The following NVL variants were observed in gnomAD, a reference collection of about 807,000 sequenced individuals.
The protein encoded by NVL is nuclear valosin-containing protein-like.
A neutral mutation model predicts 110.2 loss-of-function variants in NVL; 84 were observed. That is an observed-to-expected ratio of 0.76 (90% confidence interval 0.64 to 0.91). The LOEUF is 0.91. Among genes scored for constraint, NVL ranks in the 40% least tolerant of loss-of-function variants. The pLI is 0.00. For synonymous variants in NVL, 354 were observed against 361.1 expected, an observed-to-expected ratio of 0.98 and a Z score of 0.22; for missense variants, 882 against 1,035.9, an observed-to-expected ratio of 0.85 and a Z score of 2.04.
intron 11 of NVL, 27 bp from the exon 12 acceptor site, chr1:224,294,438 G>T: frequency 6.2e-7 from 1 of 1,611,850 alleles, no homozygotes; most frequent in South Asian, 1.1e-5. Flanking sequence ...AAAGAGTAGT[G>T]AACAAAGCAC....
At chr1:224,297,237 C>A (rs1667965875) in intron 10 of NVL, among the ~76,000 whole-genome samples, 1 of 152,198 alleles carries the variant, frequency 6.6e-6, no homozygotes, top group East Asian at 1.9e-4. Flanking sequence ...ATCTCCAGAA[C>A]TTTCCCAGCA....
intron 17 of NVL, among the ~76,000 whole-genome samples, chr1:224,270,955 T>A (rs886944850): frequency 6.6e-6 from 1 of 152,202 alleles, no homozygotes; most frequent in Non-Finnish European, 1.5e-5. Flanking sequence ...TTTTTCAAAA[T>A]CTAATATATA....
At chr1:224,253,545 C>T (rs1662764017) in intron 18 of NVL, among the ~76,000 whole-genome samples, 1 of 150,684 alleles carries the variant, frequency 6.6e-6, no homozygotes, top group Admixed American at 6.6e-5. Flanking sequence ...CCATCCTGGC[C>T]AACATGGTGA....
rs1185425156 is a variant in NVL at position 224,272,897 on chromosome 1, A to G, written c.2082+2442T>C. On this transcript the variant is annotated intron_variant, in intron 17 of 22. Coordinates refer to ENST00000281701, the MANE Select transcript of NVL (RefSeq NM_002533.4). Reference sequence around the variant, plus strand: ...AAAATACAAAAAATTAGCCGGGCGTAGTGGCGGGCGCCTGTAGTCCCAGCT... The same window carrying G: ...AAAATACAAAAAATTAGCCGGGCGTGGTGGCGGGCGCCTGTAGTCCCAGCT... 3.4e-5 allele frequency among the ~76,000 whole-genome samples: 5 copies of G among 145,114 alleles called. No individual in the cohort carries two copies. The East Asian group carries it at 1.0e-3, about 30-fold the overall frequency.
intron 13 of NVL, 114 bp from the exon 14 acceptor site, chr1:224,288,107 A>T (rs1667040805): frequency 2.8e-6 from 2 of 714,730 alleles, no homozygotes; most frequent in East Asian, 5.4e-5. Flanking sequence ...AGCTATCCTG[A>T]ACGTCTATGT....
At chr1:224,233,145 C>A (rs978338271) in intron 21 of NVL, 56 bp downstream of exon 21, 22 of 1,448,556 alleles carry the variant, frequency 1.5e-5, no homozygotes, top group Non-Finnish European at 3.8e-6. Flanking sequence ...TTTTCCAGGG[C>A]AACAGTGGTT....
At chr1:224,274,925 A>G (rs1009771706) in intron 17 of NVL, among the ~76,000 whole-genome samples, 3 of 152,146 alleles carry the variant, frequency 2.0e-5, no homozygotes, top group African/African-American at 7.2e-5. Flanking sequence ...CTTTAAGAGA[A>G]AAGGTTTTGG....
At chr1:224,295,268 T>C (rs1045699638) in intron 11 of NVL, among the ~76,000 whole-genome samples, 1 of 151,968 alleles carries the variant, frequency 6.6e-6, no homozygotes, top group Non-Finnish European at 1.5e-5. Flanking sequence ...TCTCAGCTCA[T>C]GGCAAGCTCT....
chr1:224,288,083 G>T, intron 13 of NVL, 90 bp from the exon 14 acceptor site: 1 of 929,636 alleles, frequency 1.1e-6, no homozygotes, highest in Non-Finnish European at 1.7e-6. Context: ...AATTATTACT[G>T]TAATATTTCC....
intron 19 of NVL, among the ~76,000 whole-genome samples, chr1:224,241,424 T>G (rs1661179544): frequency 6.6e-6 from 1 of 152,190 alleles, no homozygotes; most frequent in African/African-American, 2.4e-5. Context: ...AATTTGGTTT[T>G]TCTTTATGAC....
In NVL at chr1:224,326,479, A is replaced by G. The variant is rs1671154570; in HGVS notation, c.58-15T>C. On this transcript the variant is annotated splice_polypyrimidine_tract_variant and intron_variant, in intron 1 of 22. Transcript: ENST00000281701. The stretch of plus-strand genomic sequence containing the variant: ...CTGGTAAGGTACTAAAACAGAAAAT[A>G]TAACAAATACAAAACACCCAATATT... 6.4e-7 allele frequency: 1 copy of G among 1,573,872 alleles called. No individual in the cohort carries two copies. Among genetic ancestry groups the G allele is most frequent in the Non-Finnish European group, 8.7e-7 (1 of 1,146,564 alleles).
At chr1:224,321,262 A>G (rs551322529) in intron 2 of NVL, among the ~76,000 whole-genome samples, 1 of 152,256 alleles carries the variant, frequency 6.6e-6, no homozygotes, top group Admixed American at 6.5e-5. Context: ...TAAATAAATA[A>G]TTAATTAAAA....
chr1:224,235,311 G>A (rs940299882), intron 20 of NVL, among the ~76,000 whole-genome samples: 1 of 152,070 alleles, frequency 6.6e-6, no homozygotes. Context: ...GCGATTACAG[G>A]TGTGCACTAC....
chr1:224,259,867 C>T (rs1460402020), intron 18 of NVL, among the ~76,000 whole-genome samples: 1 of 146,012 alleles, frequency 6.8e-6, no homozygotes, highest in Non-Finnish European at 1.5e-5. Flanking sequence ...GAGATTTTTG[C>T]CACGTTAACC....
chr1:224,283,395 G>C (rs1666566566), intron 15 of NVL, among the ~76,000 whole-genome samples: 1 of 152,146 alleles, frequency 6.6e-6, no homozygotes, highest in African/African-American at 2.4e-5. Context: ...GCTGAGGCAG[G>C]AGAATGGCGT....
chr1:224,248,859 G>C (rs1388558563), intron 19 of NVL, among the ~76,000 whole-genome samples: 1 of 152,214 alleles, frequency 6.6e-6, no homozygotes. Flanking sequence ...GATTCAGGAA[G>C]AACTGCCAAG....
At chr1:224,270,159 C>T (rs1266795567) in intron 17 of NVL, among the ~76,000 whole-genome samples, 2 of 152,018 alleles carry the variant, frequency 1.3e-5, no homozygotes, top group East Asian at 3.9e-4. Context: ...ATAATCCATA[C>T]TCAAAAATAT....
intron 14 of NVL, among the ~76,000 whole-genome samples, chr1:224,286,498 G>A (rs1027293382): frequency 2.0e-5 from 3 of 152,052 alleles, no homozygotes; most frequent in Non-Finnish European, 2.9e-5. Flanking sequence ...GAGCCACTGC[G>A]CCCAGCTTCT....
chr1:224,240,704 C>G (rs1179139667), intron 19 of NVL, among the ~76,000 whole-genome samples: 2 of 151,570 alleles, frequency 1.3e-5, no homozygotes, highest in African/African-American at 4.9e-5. Context: ...TCAGAAGTTT[C>G]CTAATTCTTA....
Sources: allele counts gnomAD v4.1 joint callset (sites outside exome capture counted in the v4.1 genomes callset), GRCh38; gene constraint gnomAD v4.1.1; transcripts MANE v1.5; gene names NCBI Gene and HGNC (gene_info 2026-07-23, HGNC 2026-07-21).